MTHFD1: variants seen among roughly 807,000 people sequenced by gnomAD.
The protein encoded by MTHFD1 is C-1-tetrahydrofolate synthase, cytoplasmic.
Under a neutral mutation model 110.3 loss-of-function variants are expected in MTHFD1, and 44 were observed. The observed-to-expected ratio is 0.40, with a 90% CI of 0.31 to 0.51. The LOEUF (loss-of-function observed/expected upper bound fraction) is 0.51. MTHFD1 is among the 20% of genes least tolerant of loss of function. The pLI, the probability that MTHFD1 is intolerant of heterozygous loss-of-function variation, is 0.60. For synonymous variants in MTHFD1, 402 were observed against 428.8 expected (o/e 0.94, Z 0.77); for missense variants, 909 against 1,173.1 (o/e 0.77, Z 3.29).
chr14:64,431,931 A>C, intron 15 of MTHFD1, 70 bp downstream of exon 15: 1 of 1,399,388 alleles, frequency 7.1e-7, no homozygotes, highest in African/African-American at 1.4e-5. Flanking sequence ...TTAGGACATA[A>C]AAGTCTTCTT....
At chr14:64,421,226 A>G (rs951476152) in intron 8 of MTHFD1, among the ~76,000 whole-genome samples, 1 of 152,004 alleles carries the variant, frequency 6.6e-6, no homozygotes, top group Non-Finnish European at 1.5e-5. Context: ...TGTCTCATGT[A>G]CGGCGTCCTG....
chr14:64,418,838 G>A (rs1276384167), intron 7 of MTHFD1, among the ~76,000 whole-genome samples: 1 of 152,224 alleles, frequency 6.6e-6, no homozygotes, highest in Admixed American at 6.5e-5. Flanking sequence ...TTACAGGCAT[G>A]AGCCACCATG....
chr14:64,413,666 A>C (rs1299440002), intron 4 of MTHFD1, among the ~76,000 whole-genome samples: 1 of 152,218 alleles, frequency 6.6e-6, no homozygotes, highest in East Asian at 1.9e-4. Context: ...CCACTTTGCA[A>C]GGATTAAGTA....
intron 2 of MTHFD1, 112 bp from the exon 3 acceptor site, chr14:64,410,978 A>C (rs953876364): frequency 4.8e-5 from 38 of 790,838 alleles, no homozygotes; most frequent in South Asian, 3.2e-4. Flanking sequence ...AGTTCTCTGC[A>C]ACAAGAGTCG....
At chr14:64,447,825 G>C (rs1382015822) in intron 22 of MTHFD1, among the ~76,000 whole-genome samples, 1 of 152,030 alleles carries the variant, frequency 6.6e-6, no homozygotes, top group Non-Finnish European at 1.5e-5. Flanking sequence ...GAGTTAATTT[G>C]TATTATCATA....
intron 2 of MTHFD1, among the ~76,000 whole-genome samples, chr14:64,403,842 C>T (rs1286794682): frequency 2.6e-5 from 4 of 152,138 alleles, no homozygotes; most frequent in Non-Finnish European, 4.4e-5. Flanking sequence ...CCACTGTGCT[C>T]GGCCAAGTTG....
At chr14:64,440,877 G>A in intron 18 of MTHFD1, 1 of 247,832 alleles carries the variant, frequency 4.0e-6, no homozygotes, top group South Asian at 5.2e-5. Context: ...GATATTACAT[G>A]TGAATGTCAT....
chr14:64,433,619 T>C (rs927000944), intron 15 of MTHFD1, among the ~76,000 whole-genome samples: 3 of 149,522 alleles, frequency 2.0e-5, no homozygotes, highest in African/African-American at 7.4e-5. Context: ...TTTGCCGTGT[T>C]GCCCAGGCTG....
At chr14:64,406,838 T>C (rs1373908320) in intron 2 of MTHFD1, among the ~76,000 whole-genome samples, 1 of 152,186 alleles carries the variant, frequency 6.6e-6, no homozygotes, top group Non-Finnish European at 1.5e-5. Flanking sequence ...TGTTTGTTTA[T>C]ATTTCTAATC....
intron 22 of MTHFD1, among the ~76,000 whole-genome samples, chr14:64,446,687 A>G (rs1208380129): frequency 6.6e-6 from 1 of 151,832 alleles, no homozygotes; most frequent in Non-Finnish European, 1.5e-5. Context: ...GACTACAAGC[A>G]CCCACCATCA....
At chr14:64,455,134 A>G (rs2078448283) in intron 26 of MTHFD1, 1 of 460,608 alleles carries the variant, frequency 2.2e-6, no homozygotes, top group Non-Finnish European at 4.0e-6. Flanking sequence ...TCCCAGGGAC[A>G]GTATGCTCTT....
At chr14:64,393,892 G>A (rs1227894315) in intron 1 of MTHFD1, among the ~76,000 whole-genome samples, 1 of 152,152 alleles carries the variant, frequency 6.6e-6, no homozygotes, top group East Asian at 1.9e-4. Flanking sequence ...TAGAGGTTAA[G>A]GGGCAGGGAT....
At chr14:64,394,168 G>A (rs962957270) in intron 1 of MTHFD1, among the ~76,000 whole-genome samples, 4 of 152,050 alleles carry the variant, frequency 2.6e-5, no homozygotes. Flanking sequence ...GTGGCTAAAG[G>A]TGCCACAGTC....
chr14:64,393,358 G>T, intron 1 of MTHFD1, among the ~76,000 whole-genome samples: 1 of 151,848 alleles, frequency 6.6e-6, no homozygotes, highest in East Asian at 1.9e-4. Context: ...AGTGAGCCAA[G>T]ATGGCGCCAT....
chr14:64,439,133 G>T lies in MTHFD1; in HGVS notation c.1635G>T (p.Thr545=), dbSNP rs749676283. 6.2e-7 allele frequency: 1 copy of T among 1,613,948 alleles called. No homozygotes were observed. Among genetic ancestry groups the T allele is most frequent in the African/African-American group, 1.3e-5 (1 of 74,910 alleles). ...DTNDRFLRKI[T]IGQAPTEKGH... The stretch of plus-strand genomic sequence containing the variant: ...ATGATAGATTCCTGAGGAAGATCAC[G>T]ATTGGACAGGCTCCAACGGAGAAGG... The change falls in exon 17 of 28, where the codon ACG becomes ACT. Residue 545 remains threonine (T), a synonymous_variant. Coordinates refer to ENST00000652337, the MANE Select transcript of MTHFD1 (RefSeq NM_005956.4).
At chr14:64,426,690 C>T (rs1252109620) in intron 11 of MTHFD1, among the ~76,000 whole-genome samples, 4 of 145,908 alleles carry the variant, frequency 2.7e-5, no homozygotes, top group South Asian at 4.2e-4. Flanking sequence ...AGGCTGGTCT[C>T]GAACTCCTGA....
At chr14:64,446,995 A>G (rs2078294441) in intron 22 of MTHFD1, among the ~76,000 whole-genome samples, 1 of 151,878 alleles carries the variant, frequency 6.6e-6, no homozygotes, top group African/African-American at 2.4e-5. Context: ...ACACGCCACC[A>G]CACCAGGCTA....
At chr14:64,459,239 A>G (rs2078523956) in intron 27 of MTHFD1, among the ~76,000 whole-genome samples, 1 of 152,220 alleles carries the variant, frequency 6.6e-6, no homozygotes. Flanking sequence ...CCAAGAAAAA[A>G]GGAAGACGTG....
At chr14:64,441,779 G>A in intron 19 of MTHFD1, 2 of 568,432 alleles carry the variant, frequency 3.5e-6, no homozygotes. Flanking sequence ...CTCCAGACTG[G>A]GCGACAGAGC....
Sources: allele counts gnomAD v4.1 joint callset (sites outside exome capture counted in the v4.1 genomes callset), GRCh38; gene constraint gnomAD v4.1.1; transcripts MANE v1.5; gene names NCBI Gene and HGNC (gene_info 2026-07-23, HGNC 2026-07-21).